Variants in PCDH7 observed in about 807,000 individuals in gnomAD.
PCDH7 encodes protocadherin 7.
In PCDH7, 17 loss-of-function variants were observed where a neutral mutation model predicts 58.9. That is an observed-to-expected ratio of 0.29 (90% CI 0.20 to 0.43). The LOEUF is 0.43. PCDH7 is among the 20% of genes least tolerant of loss of function. The pLI is 1.00. For missense variants in PCDH7, 1,274 were observed against 1,441.0 expected (o/e 0.88, Z 1.88); for synonymous variants, 664 against 616.4 (o/e 1.08, Z -1.14).
chr4:30,948,450 T>G (rs1275371821), intron 2 of PCDH7, among the ~76,000 whole-genome samples: 2 of 152,172 alleles, frequency 1.3e-5, no homozygotes, highest in African/African-American at 2.4e-5. Flanking sequence ...GAGGAATATT[T>G]AAATGTACAA....
rs1335725263 is a variant in PCDH7 at position 30,996,251 on chromosome 4, C to A, written c.*7+46036C>A. Among the ~76,000 whole-genome samples, 3 of 152,150 alleles carry A rather than the reference C, an allele frequency of 2.0e-5. No homozygotes were observed. The East Asian group carries it at 5.8e-4, about 29-fold the overall frequency. The stretch of plus-strand genomic sequence containing the variant: ...AAATAGTCATAGCCAAAGGCCAACA[C>A]ATGCTGAATGAACAAATGAAGTTAT... On this transcript the variant is annotated intron_variant, in intron 3 of 3. Transcript: ENST00000509759.
intron 3 of PCDH7, among the ~76,000 whole-genome samples, chr4:31,097,542 AGAT>A (rs1714194310): frequency 1.5e-5 from 2 of 136,974 alleles, no homozygotes; most frequent in Non-Finnish European, 3.1e-5. Context: ...AAAGAAAGAA[AGAT>A]GCACTTACTA....
At chr4:30,781,996 G>T (rs747028251) in intron 1 of PCDH7, among the ~76,000 whole-genome samples, 1 of 152,174 alleles carries the variant, frequency 6.6e-6, no homozygotes, top group Non-Finnish European at 1.5e-5. Context: ...TGGATAGAAT[G>T]AGTCTTTTAA....
Position 30,881,799 on chromosome 4 carries a change from G to A in PCDH7, c.71-38354G>A, listed in dbSNP as rs1037539056. Among the ~76,000 whole-genome samples, 21 of 152,070 alleles carry A rather than the reference G, an allele frequency of 1.4e-4. 1 individual carries two copies. Among genetic ancestry groups the A allele is most frequent in the Admixed American group, 2.6e-4 (4 of 15,260 alleles). Reference sequence around the variant, plus strand: ...TCACATTTTTAGCAGCGTTCTAAACGAACCCTTCAGAAATAGTCCTTGAAT... The same window carrying A: ...TCACATTTTTAGCAGCGTTCTAAACAAACCCTTCAGAAATAGTCCTTGAAT... On this transcript the variant is annotated intron_variant, in intron 1 of 3. Coordinates refer to the PCDH7 transcript ENST00000509759.
chr4:30,986,615 G>A (rs1292312524), intron 3 of PCDH7, among the ~76,000 whole-genome samples: 1 of 151,664 alleles, frequency 6.6e-6, no homozygotes, highest in Non-Finnish European at 1.5e-5. Context: ...CAATGACAAA[G>A]GTGATCTTTG....
At chr4:31,056,473 G>A (rs1390965211) in intron 3 of PCDH7, among the ~76,000 whole-genome samples, 2 of 126,130 alleles carry the variant, frequency 1.6e-5, no homozygotes, top group Non-Finnish European at 1.7e-5. Context: ...AAGAAAGAAA[G>A]AAAGAAAGAA....
intron 3 of PCDH7, among the ~76,000 whole-genome samples, chr4:31,098,743 A>C (rs951733594): frequency 1.4e-4 from 22 of 152,328 alleles, no homozygotes; most frequent in African/African-American, 5.3e-4. Context: ...TGTACAGTAC[A>C]TGGCCAGCAT....
At chr4:31,110,438 A>G (rs899803787) in intron 3 of PCDH7, among the ~76,000 whole-genome samples, 8 of 152,216 alleles carry the variant, frequency 5.3e-5, no homozygotes, top group South Asian at 2.1e-4. Flanking sequence ...TTATTTGTTC[A>G]CTTATGGAAA....
intron 3 of PCDH7, among the ~76,000 whole-genome samples, chr4:31,092,517 G>A (rs926315895): frequency 1.3e-5 from 2 of 152,006 alleles, no homozygotes; most frequent in African/African-American, 4.8e-5. Context: ...CTTAACTGAT[G>A]TGAGGTTATG....
chr4:30,899,757 G>A (rs1739964898), intron 1 of PCDH7, among the ~76,000 whole-genome samples: 2 of 151,484 alleles, frequency 1.3e-5, no homozygotes, highest in Non-Finnish European at 2.9e-5. Context: ...CACCACATAT[G>A]TGTGTTTGTG....
At chr4:30,917,100 G>T (rs1213338601) in intron 1 of PCDH7, among the ~76,000 whole-genome samples, 1 of 152,012 alleles carries the variant, frequency 6.6e-6, no homozygotes, top group Non-Finnish European at 1.5e-5. Flanking sequence ...CAATCTTTCT[G>T]GAATATATAA....
At chr4:30,821,359 A>G (rs1728351630) in intron 1 of PCDH7, among the ~76,000 whole-genome samples, 1 of 152,246 alleles carries the variant, frequency 6.6e-6, no homozygotes, top group Admixed American at 6.5e-5. Context: ...AGAAGAACCA[A>G]CATCATGCAG....
intron 3 of PCDH7, among the ~76,000 whole-genome samples, chr4:31,028,815 T>C (rs966450206): frequency 1.3e-5 from 2 of 152,162 alleles, no homozygotes; most frequent in East Asian, 1.9e-4. Context: ...AGAAGCTCAT[T>C]CTAGAATAAT....
intron 1 of PCDH7, among the ~76,000 whole-genome samples, chr4:30,887,678 G>A (rs1054919024): frequency 1.3e-5 from 2 of 152,016 alleles, no homozygotes; most frequent in Non-Finnish European, 2.9e-5. Flanking sequence ...TATTAGTTTA[G>A]GTATGAAGTA....
chr4:31,071,019 G>A (rs1428571163), intron 3 of PCDH7, among the ~76,000 whole-genome samples: 2 of 152,024 alleles, frequency 1.3e-5, no homozygotes, highest in Non-Finnish European at 2.9e-5. Flanking sequence ...CCTTTCCCTT[G>A]TGGAAAAAAG....
Position 30,920,055 on chromosome 4 carries a change from T to G in PCDH7, c.71-98T>G, listed in dbSNP as rs1383124003. ...TCTATTCATTTTGTATTGAATTAGT[T>G]GCCAGTAGACCTTAATGTATGTAAT... On this transcript the variant is annotated intron_variant, in intron 1 of 3. Coordinates refer to the PCDH7 transcript ENST00000509759. The G allele has an allele frequency of 4.9e-6, 4 of 810,482 alleles. No individual in the cohort carries two copies. The African/African-American group carries it at 7.2e-5, about 15-fold the overall frequency. The allele number at this position is 810,482 out of a possible 1,614,324, so 50.2% of individuals were successfully genotyped here.
chr4:31,010,015 C>T (rs768576369), intron 3 of PCDH7, among the ~76,000 whole-genome samples: 1 of 152,012 alleles, frequency 6.6e-6, no homozygotes, highest in Non-Finnish European at 1.5e-5. Flanking sequence ...GTGTTCCCTA[C>T]TGAATCATAA....
chr4:30,799,073 T>A (rs185395775), intron 1 of PCDH7, among the ~76,000 whole-genome samples: 211 of 152,342 alleles, frequency 1.4e-3, no homozygotes, highest in Middle Eastern at 3.4e-3. Flanking sequence ...ATTTTAAGGA[T>A]CATCAATATC....
At chr4:30,902,021 G>C (rs777819602) in intron 1 of PCDH7, among the ~76,000 whole-genome samples, 1 of 152,044 alleles carries the variant, frequency 6.6e-6, no homozygotes, top group Non-Finnish European at 1.5e-5. Flanking sequence ...TTTCCTCCAC[G>C]GGCATTGGTT....
Sources: allele counts gnomAD v4.1 joint callset (sites outside exome capture counted in the v4.1 genomes callset), GRCh38; gene constraint gnomAD v4.1.1; transcripts MANE v1.5; gene names NCBI Gene and HGNC (gene_info 2026-07-23, HGNC 2026-07-21).